RARB: variants seen among roughly 807,000 people sequenced by gnomAD.
RARB encodes the protein retinoic acid receptor beta.
In RARB, 17 loss-of-function variants were observed where a neutral mutation model predicts 51.9. The observed-to-expected ratio is 0.33, with a 90% CI of 0.22 to 0.49. RARB has a LOEUF of 0.49. Ranked by LOEUF, RARB falls within the 20% of genes least tolerant of loss-of-function variation. The probability of loss-of-function intolerance (pLI) is 0.99; values close to 1 mark genes in which losing one functional copy is unlikely to be tolerated. For missense variants in RARB, 369 were observed against 550.8 expected, an observed-to-expected ratio of 0.67 and a Z score of 3.30; for synonymous variants, 215 against 195.4, an observed-to-expected ratio of 1.10 and a Z score of -0.84.
chr3:25,271,663 A>G (rs373113609), intron 5 of RARB, among the ~76,000 whole-genome samples: 72 of 152,316 alleles, frequency 4.7e-4, no homozygotes, highest in African/African-American at 1.7e-3. Context: ...GCTATTCCCA[A>G]AACTCATTCT....
At chr3:24,980,709 C>T (rs1287370064) in intron 2 of RARB, among the ~76,000 whole-genome samples, 2 of 152,128 alleles carry the variant, frequency 1.3e-5, no homozygotes, top group African/African-American at 4.8e-5. Flanking sequence ...TGGGTTAGAA[C>T]ATGCTCCTTT....
chr3:25,171,002 T>C (rs1479095376), intron 4 of RARB, among the ~76,000 whole-genome samples: 1 of 151,546 alleles, frequency 6.6e-6, no homozygotes, highest in South Asian at 2.1e-4. Context: ...CCGACAATTA[T>C]TATTTTAATC....
At chr3:25,344,585 G>GT (rs1292621222) in intron 5 of RARB, among the ~76,000 whole-genome samples, 1 of 152,156 alleles carries the variant, frequency 6.6e-6, no homozygotes, top group Non-Finnish European at 1.5e-5. Context: ...ACAAACACAT[G>GT]TTTTTTCCTT....
intron 1 of RARB, among the ~76,000 whole-genome samples, chr3:24,848,681 T>A (rs1702515485): frequency 6.6e-6 from 1 of 152,248 alleles, no homozygotes; most frequent in African/African-American, 2.4e-5. Context: ...ATAATGAGTT[T>A]TGCTTTATCC....
upstream of RARB, among the ~76,000 whole-genome samples, chr3:25,426,684 A>G (rs925041809): frequency 7.9e-5 from 12 of 152,354 alleles, no homozygotes; most frequent in African/African-American, 2.4e-4. Flanking sequence ...TGGGAGAATT[A>G]CAAGTAAATG....
chr3:25,593,108 T>C (rs1701675352), intron 5 of RARB, among the ~76,000 whole-genome samples: 1 of 152,158 alleles, frequency 6.6e-6, no homozygotes, highest in South Asian at 2.1e-4. Context: ...ACTATGCATT[T>C]AATAAATTGT....
At chr3:25,239,408 ATTC>A (rs1387526364) in intron 5 of RARB, among the ~76,000 whole-genome samples, 2 of 151,942 alleles carry the variant, frequency 1.3e-5, no homozygotes, top group East Asian at 3.9e-4. Flanking sequence ...TCCCCTATGT[ATTC>A]TTCTAGTAAT....
Position 25,545,298 on chromosome 3 carries a change from G to T in RARB, c.449-24460G>T, listed in dbSNP as rs529834296. On this transcript the variant is annotated intron_variant, in intron 3 of 7. Coordinates refer to ENST00000330688, the MANE Select transcript of RARB (RefSeq NM_000965.5). ...ACCTTTGTACTTTTCCCTTAAGAAA[G>T]ATGGCAGTGATGGGCTCTACTGAAC... Among the ~76,000 whole-genome samples the T allele has an allele frequency of 1.3e-4, 20 of 152,256 alleles. No individual in the cohort carries two copies. In the South Asian group the frequency reaches 2.1e-3, roughly 16 times the overall value.
chr3:24,953,499 C>A (rs1233152316), intron 2 of RARB, among the ~76,000 whole-genome samples: 3 of 152,160 alleles, frequency 2.0e-5, no homozygotes, highest in Admixed American at 1.3e-4. Context: ...CACTTTCTTA[C>A]ATTGTGTTCA....
chr3:25,381,044 G>C (rs571199639), intron 5 of RARB, among the ~76,000 whole-genome samples: 1 of 151,734 alleles, frequency 6.6e-6, no homozygotes, highest in Non-Finnish European at 1.5e-5. Flanking sequence ...CCTTCACTCA[G>C]GCTTCCGTTT....
chr3:25,522,759 C>T (rs1453847487), intron 3 of RARB, among the ~76,000 whole-genome samples: 4 of 152,218 alleles, frequency 2.6e-5, no homozygotes, highest in East Asian at 3.9e-4. Context: ...TTAGAGCCGT[C>T]GGGCATCTCC....
intron 5 of RARB, among the ~76,000 whole-genome samples, chr3:25,196,778 G>A (rs184539215): frequency 6.6e-6 from 1 of 152,208 alleles, no homozygotes; most frequent in Admixed American, 6.5e-5. Context: ...GGTGTGAGGT[G>A]GTATCTCATT....
chr3:25,032,504 A>AGT (rs1697897365), intron 2 of RARB, among the ~76,000 whole-genome samples: 1 of 152,208 alleles, frequency 6.6e-6, no homozygotes, highest in Non-Finnish European at 1.5e-5. Flanking sequence ...GTGGATCTGA[A>AGT]GTGAAGCAGA....
intron 2 of RARB, among the ~76,000 whole-genome samples, chr3:24,874,455 C>A (rs922536778): frequency 6.6e-6 from 1 of 151,962 alleles, no homozygotes; most frequent in Non-Finnish European, 1.5e-5. Context: ...CATTATAATG[C>A]CCTTCAGATA....
intron 5 of RARB, among the ~76,000 whole-genome samples, chr3:25,331,813 A>G (rs1442900594): frequency 6.6e-6 from 1 of 152,206 alleles, no homozygotes; most frequent in Non-Finnish European, 1.5e-5. Flanking sequence ...GAAGAATCAA[A>G]TAGACACAAT....
At chr3:25,081,607 ATATATATATATATATTTTTTT>A (rs1478707710) in intron 3 of RARB, among the ~76,000 whole-genome samples, 1 of 10,338 alleles carries the variant, frequency 9.7e-5, no homozygotes, top group African/African-American at 4.2e-4. Flanking sequence ...ATATATATAT[ATATATATATATATATTTTTTT>A]TTTTTTTTTT....
At chr3:25,486,567 AG>A (rs1696484431) in intron 2 of RARB, among the ~76,000 whole-genome samples, 1 of 152,230 alleles carries the variant, frequency 6.6e-6, no homozygotes, top group African/African-American at 2.4e-5. Context: ...GGATACAAAA[AG>A]CTAGAGTTAT....
chr3:25,545,903 A>T (rs1031205784), intron 3 of RARB, among the ~76,000 whole-genome samples: 4 of 152,330 alleles, frequency 2.6e-5, no homozygotes, highest in Middle Eastern at 3.4e-3. Flanking sequence ...AAAGAAGACA[A>T]AACAAGAAGT....
chr3:25,045,698 CA>C (rs1204918742), intron 2 of RARB, among the ~76,000 whole-genome samples: 2 of 152,170 alleles, frequency 1.3e-5, no homozygotes, highest in Non-Finnish European at 2.9e-5. Context: ...CTGTGGAATA[CA>C]AAATTCATTG....
Sources: gnomAD v4.1 joint callset for allele counts (sites outside exome capture counted in the v4.1 genomes callset) on GRCh38, gnomAD v4.1.1 for gene constraint, MANE v1.5 for transcripts, NCBI Gene and HGNC (gene_info 2026-07-23, HGNC 2026-07-21) for gene names.